The following PDE11A variants were observed in gnomAD, a reference collection of about 807,000 sequenced individuals.
The protein encoded by PDE11A is phosphodiesterase 11A, also known as dual 3',5'-cyclic-AMP and -GMP phosphodiesterase 11A.
Under a neutral mutation model 100.5 loss-of-function variants are expected in PDE11A, and 100 were observed. The ratio of observed to expected loss-of-function variants is 1.00; its 90% confidence interval spans 0.85 to 1.18. The LOEUF is 1.18. Among genes scored for constraint, PDE11A ranks in the 50% most tolerant of loss-of-function variants. The pLI, the probability that PDE11A is intolerant of heterozygous loss-of-function variation, is 0.00. For missense variants in PDE11A, 1,141 were observed against 1,152.6 expected (o/e 0.99, Z 0.15); for synonymous variants, 381 against 420.8 (o/e 0.91, Z 1.16).
chr2:177,830,601 AAATAAT>A (rs56365605), intron 6 of PDE11A, among the ~76,000 whole-genome samples: 20,500 of 139,772 alleles, frequency 0.15, 1,848 homozygotes, highest in African/African-American at 0.24. Context: ...ACTCCATCTC[AAATAAT>A]AATAATAATA....
chr2:178,036,208 C>A (rs2086611096), intron 1 of PDE11A, among the ~76,000 whole-genome samples: 1 of 152,202 alleles, frequency 6.6e-6, no homozygotes, highest in South Asian at 2.1e-4. Context: ...TCAAAAATCA[C>A]AAGCATTCCT....
intron 1 of PDE11A, among the ~76,000 whole-genome samples, chr2:178,057,504 A>G (rs1317917327): frequency 1.3e-5 from 2 of 152,146 alleles, no homozygotes; most frequent in Non-Finnish European, 1.5e-5. Context: ...CTGACCTTTT[A>G]TATTCTCCCT....
intron 2 of PDE11A, among the ~76,000 whole-genome samples, chr2:177,953,482 C>A (rs370949239): frequency 3.2e-4 from 48 of 152,214 alleles, no homozygotes; most frequent in African/African-American, 1.0e-3. Context: ...AAGTTAATAT[C>A]ATACAAGTTA....
Position 177,875,881 on chromosome 2 carries a change from A to G in PDE11A, c.1345T>C (p.Cys449Arg), listed in dbSNP as rs2084230883. Reference protein sequence around the residue: ...TKSFELMSPKCSADAENSFKE... With the variant: ...TKSFELMSPKRSADAENSFKE... Reference sequence around the variant, plus strand: ...TACCTGTTCTCAGCATCAGCACTGCACTTTGGGGACATCAATTCAAAGGAT... The same window carrying G: ...TACCTGTTCTCAGCATCAGCACTGCGCTTTGGGGACATCAATTCAAAGGAT... Residue 449 changes from cysteine (C) to arginine (R), a missense_variant, in exon 5 of 20, where the codon TGC (cysteine) becomes CGC (arginine). Coordinates refer to ENST00000286063, the MANE Select transcript of PDE11A (RefSeq NM_016953.4). 24 of 1,612,078 alleles carry G rather than the reference A, an allele frequency of 1.5e-5. No individual in the cohort carries two copies. The highest frequency in any genetic ancestry group is 2.0e-5 in the Non-Finnish European group (23 of 1,178,260).
chr2:177,894,595 G>A (rs528579125), intron 4 of PDE11A, among the ~76,000 whole-genome samples: 1 of 152,150 alleles, frequency 6.6e-6, no homozygotes, highest in Non-Finnish European at 1.5e-5. Context: ...CCGTTTTGGA[G>A]TTCATACACA....
intron 2 of PDE11A, among the ~76,000 whole-genome samples, chr2:177,993,937 T>A (rs2086036601): frequency 5.2e-5 from 1 of 19,264 alleles, no homozygotes; most frequent in African/African-American, 7.8e-5. Context: ...CAAATGTAAA[T>A]TTTTTTTTTT....
chr2:177,873,896 A>G (rs1352440211), intron 5 of PDE11A, among the ~76,000 whole-genome samples: 2 of 152,216 alleles, frequency 1.3e-5, no homozygotes, highest in Admixed American at 6.5e-5. Flanking sequence ...ATTACTCTTG[A>G]GTATTACATC....
chr2:177,766,914 T>C (rs1309182692), intron 10 of PDE11A, among the ~76,000 whole-genome samples: 1 of 152,224 alleles, frequency 6.6e-6, no homozygotes, highest in African/African-American at 2.4e-5. Context: ...TAACCCTTTG[T>C]TCTCAAATTT....
intron 2 of PDE11A, among the ~76,000 whole-genome samples, chr2:178,000,136 T>C (rs2086126007): frequency 6.6e-6 from 1 of 152,152 alleles, no homozygotes; most frequent in Non-Finnish European, 1.5e-5. Flanking sequence ...AGCCAGGATA[T>C]TATCCACGGC....
chr2:177,881,177 G>A (rs1013895188), intron 4 of PDE11A, among the ~76,000 whole-genome samples: 2 of 137,918 alleles, frequency 1.5e-5, no homozygotes, highest in Non-Finnish European at 3.4e-5. Context: ...TCAGACACTG[G>A]GACTCCTGAT....
chr2:177,901,521 T>C (rs887501586), intron 3 of PDE11A, among the ~76,000 whole-genome samples: 7 of 152,146 alleles, frequency 4.6e-5, no homozygotes, highest in Admixed American at 4.6e-4. Context: ...GTGAACCCAC[T>C]GGGTGGTTAC....
chr2:177,779,281 T>C (rs999348569), intron 9 of PDE11A, among the ~76,000 whole-genome samples: 1 of 152,234 alleles, frequency 6.6e-6, no homozygotes, highest in Non-Finnish European at 1.5e-5. Flanking sequence ...GTGGAGGGTC[T>C]TGCTTGAATG....
intron 10 of PDE11A, among the ~76,000 whole-genome samples, chr2:177,764,349 A>G (rs1457367426): frequency 6.6e-6 from 1 of 152,222 alleles, no homozygotes; most frequent in Non-Finnish European, 1.5e-5. Flanking sequence ...AAATGAGTTC[A>G]TCTCTGATTG....
At chr2:178,059,345 A>G (rs2086938800) in intron 1 of PDE11A, among the ~76,000 whole-genome samples, 1 of 152,078 alleles carries the variant, frequency 6.6e-6, no homozygotes, top group Non-Finnish European at 1.5e-5. Flanking sequence ...CCAGGCCGGC[A>G]GCACCATGGC....
chr2:177,764,500 A>T (rs182007304), intron 10 of PDE11A, among the ~76,000 whole-genome samples: 1 of 152,348 alleles, frequency 6.6e-6, no homozygotes, highest in Admixed American at 6.5e-5. Flanking sequence ...ACCGCATTGC[A>T]ATTTAAGGAA....
At chr2:177,630,886 T>C (rs1350388632) in intron 19 of PDE11A, among the ~76,000 whole-genome samples, 1 of 152,164 alleles carries the variant, frequency 6.6e-6, no homozygotes, top group African/African-American at 2.4e-5. Context: ...AAATAAGATT[T>C]TGATGACATT....
In PDE11A at chr2:177,937,266, A is replaced by G. The variant is rs886132970; in HGVS notation, c.1072-32079T>C. Among the ~76,000 whole-genome samples the G allele has an allele frequency of 2.0e-5, 3 of 151,878 alleles. 1 individual carries two copies. Among genetic ancestry groups the G allele is most frequent in the Middle Eastern group, 6.3e-3 (2 of 316 alleles). ...GTTATAAATGTCAACCCTGGGGGAGACATGAAAGACACACAACTGATTAAA... is the reference window on the plus strand; with the variant it reads ...GTTATAAATGTCAACCCTGGGGGAGGCATGAAAGACACACAACTGATTAAA... On this transcript the variant is annotated intron_variant, in intron 2 of 19. Coordinates refer to ENST00000286063, the MANE Select transcript of PDE11A (RefSeq NM_016953.4).
chr2:178,104,281 C>T (rs192351875), intron 2 of PDE11A: 22 of 1,607,890 alleles, frequency 1.4e-5, no homozygotes, highest in Non-Finnish European at 1.9e-5. Flanking sequence ...CTGGTTCTCT[C>T]CCACAACTGC....
At chr2:177,877,177 T>G (rs1278278730) in intron 4 of PDE11A, among the ~76,000 whole-genome samples, 2 of 146,712 alleles carry the variant, frequency 1.4e-5, no homozygotes, top group Non-Finnish European at 3.0e-5. Context: ...TATCTTTTTT[T>G]TTTTTTGGAC....
Sources: gnomAD v4.1 joint callset for allele counts (sites outside exome capture counted in the v4.1 genomes callset) on GRCh38, gnomAD v4.1.1 for gene constraint, MANE v1.5 for transcripts, NCBI Gene and HGNC (gene_info 2026-07-23, HGNC 2026-07-21) for gene names.